Variants in NADK observed in about 807,000 individuals in gnomAD.
NADK encodes the protein poly(P)/ATP NAD kinase.
NADK carries 22 observed loss-of-function variants against 49.8 expected under a neutral mutation model. The ratio of observed to expected loss-of-function variants is 0.44; its 90% confidence interval spans 0.32 to 0.63. The LOEUF is 0.63. Among genes scored for constraint, NADK ranks in the 30% least tolerant of loss-of-function variants. The probability of loss-of-function intolerance (pLI) is 0.06; values close to 1 mark genes in which losing one functional copy is unlikely to be tolerated. For synonymous variants in NADK, 268 were observed against 253.7 expected, an observed-to-expected ratio of 1.06 and a Z score of -0.54; for missense variants, 438 against 609.4, an observed-to-expected ratio of 0.72 and a Z score of 2.96.
chr1:1,772,384 G>A (rs1234728431), intron 1 of NADK, among the ~76,000 whole-genome samples: 2 of 151,904 alleles, frequency 1.3e-5, no homozygotes, highest in African/African-American at 2.4e-5. Flanking sequence ...GGCTGACCTC[G>A]AACTCCTGGG....
intron 2 of NADK, among the ~76,000 whole-genome samples, chr1:1,762,264 T>C (rs930027097): frequency 1.3e-5 from 2 of 152,210 alleles, no homozygotes; most frequent in African/African-American, 2.4e-5. Flanking sequence ...GCTCAGATCA[T>C]GACCCAAGCC....
intron 3 of NADK, chr1:1,758,232 C>T (rs1299350387): frequency 7.5e-6 from 8 of 1,068,958 alleles, no homozygotes; most frequent in Non-Finnish European, 9.2e-6. Context: ...TGCCTCTTCC[C>T]AGCAGTGACT....
chr1:1,777,133 T>TG (rs1339670915), intron 1 of NADK, among the ~76,000 whole-genome samples: 1 of 152,182 alleles, frequency 6.6e-6, no homozygotes, highest in African/African-American at 2.4e-5. Context: ...CTCCAAATGA[T>TG]GAAGCTATTT....
intron 1 of NADK, among the ~76,000 whole-genome samples, chr1:1,769,703 G>T (rs1570570677): frequency 6.6e-6 from 1 of 151,778 alleles, no homozygotes; most frequent in East Asian, 1.9e-4. Flanking sequence ...ACTCTAACCT[G>T]GGCGACAGAG....
chr1:1,754,804 A>T lies in NADK; in HGVS notation c.689-106T>A, dbSNP rs1645458121. 2 of 1,042,162 alleles carry T rather than the reference A, an allele frequency of 1.9e-6. No homozygotes were observed. The highest frequency in any genetic ancestry group is 1.4e-6 in the Non-Finnish European group (1 of 716,782). The allele number at this position is 1,042,162 out of a possible 1,614,324, so 64.6% of individuals were successfully genotyped here. A position where few individuals can be genotyped will look rare whatever the true frequency, so the allele number is the denominator to read the frequency against. ...AGTCAGAGGGCTCTTTCTTCTCCCAAGTTGACACACTTCTGTGCCTTTTTC... is the reference window on the plus strand; with the variant it reads ...AGTCAGAGGGCTCTTTCTTCTCCCATGTTGACACACTTCTGTGCCTTTTTC... On this transcript the variant is annotated intron_variant, in intron 7 of 11. Coordinates refer to ENST00000341426, the MANE Select transcript of NADK (RefSeq NM_023018.5). This position sits in a 1 kb window ranked among gnomAD's most constrained non-coding sequence, Gnocchi z 4.3.
chr1:1,753,365 C>T (rs1354831432), intron 11 of NADK, among the ~76,000 whole-genome samples: 1 of 152,144 alleles, frequency 6.6e-6, no homozygotes, highest in Non-Finnish European at 1.5e-5. Flanking sequence ...TCTGCTGGGG[C>T]CAGGCCTGCA....
intron 1 of NADK, among the ~76,000 whole-genome samples, chr1:1,769,480 G>A (rs1645982528): frequency 6.6e-6 from 1 of 152,164 alleles, no homozygotes; most frequent in African/African-American, 2.4e-5. Flanking sequence ...GAACCCAGGA[G>A]GCGGTGCTTG....
At chr1:1,755,622 G>A (rs956803499) in intron 6 of NADK, 146 bp from the exon 7 acceptor site, 122 of 673,550 alleles carry the variant, frequency 1.8e-4, no homozygotes, top group Non-Finnish European at 3.1e-4. Flanking sequence ...TGGACAAGCG[G>A]AGGGGGACGT....
At chr1:1,780,232 G>GT (rs1646328496), upstream of NADK, 1 of 152,248 alleles carries the variant, frequency 6.6e-6, no homozygotes, top group East Asian at 1.9e-4. Context: ...CGTGAGCTGA[G>GT]TTTTTGCATA....
chr1:1,754,141 G>A lies in NADK; in HGVS notation c.1011C>T (p.His337=). 1.2e-6 allele frequency: 2 copies of A among 1,612,124 alleles called. No individual in the cohort carries two copies. The highest frequency in any genetic ancestry group is 1.7e-6 in the Non-Finnish European group (2 of 1,179,518). ...YAAAAGASMI[H]PNVPAIMITP... is the part of the protein sequence containing the mutation. Reference sequence around the variant, plus strand: ...TGATCATGATGGCCGGCACGTTGGGGTGGATCATGGAGGCCCCGGCCGCGG... The same window carrying A: ...TGATCATGATGGCCGGCACGTTGGGATGGATCATGGAGGCCCCGGCCGCGG... The change falls in exon 10 of 12, where the codon CAC becomes CAT. Residue 337 remains histidine, a synonymous_variant. Transcript: ENST00000341426. This position sits in a 1 kb window ranked among gnomAD's most constrained non-coding sequence, Gnocchi z 4.3.
chr1:1,764,635 C>T (rs886545379), intron 2 of NADK, among the ~76,000 whole-genome samples: 17 of 152,208 alleles, frequency 1.1e-4, no homozygotes, highest in African/African-American at 3.9e-4. Context: ...GGCACAGTGG[C>T]TTGCACCGGT....
At chr1:1,759,995 C>T (rs1200917772) in intron 3 of NADK, 2 of 1,384,234 alleles carry the variant, frequency 1.4e-6, no homozygotes, top group Non-Finnish European at 2.0e-6. Flanking sequence ...GATGGCGGGA[C>T]AGAGCCACGG....
chr1:1,767,208 C>T (rs1266596513), intron 1 of NADK, among the ~76,000 whole-genome samples: 7 of 152,160 alleles, frequency 4.6e-5, no homozygotes, highest in African/African-American at 7.2e-5. Flanking sequence ...TAAGCCACCA[C>T]GCCCAGCCTA....
At chr1:1,769,795 G>A (rs1160806052) in intron 1 of NADK, among the ~76,000 whole-genome samples, 1 of 151,588 alleles carries the variant, frequency 6.6e-6, no homozygotes, top group East Asian at 1.9e-4. Context: ...TGAAAAATTC[G>A]GCCAGACACG....
intron 1 of NADK, among the ~76,000 whole-genome samples, chr1:1,775,346 A>G (rs2100389801): frequency 6.6e-6 from 1 of 152,328 alleles, no homozygotes. Context: ...TAAATGAAAA[A>G]GGAAAATTTA....
At chr1:1,758,881 A>G (rs1024599109) in intron 3 of NADK, among the ~76,000 whole-genome samples, 5 of 152,042 alleles carry the variant, frequency 3.3e-5, no homozygotes, top group African/African-American at 9.7e-5. Flanking sequence ...TGCGCCAGCC[A>G]CCGCTCTGGC....
intron 3 of NADK, among the ~76,000 whole-genome samples, chr1:1,760,301 T>C (rs1213722474): frequency 6.6e-6 from 1 of 152,118 alleles, no homozygotes; most frequent in Non-Finnish European, 1.5e-5. Flanking sequence ...AAAGCACAAG[T>C]GCGAGTCACT....
At position 1,778,106 on chromosome 1, in the gene NADK, G is replaced by A. The variant is rs1646264854; in HGVS notation, c.-41+183C>T. On this transcript the variant is annotated intron_variant, in intron 1 of 11. Transcript: ENST00000341426. The surrounding 1 kb of genome is among the most constrained non-coding windows in gnomAD (Gnocchi z 4.9). Reference sequence around the variant, plus strand: ...GTCCCCAAGGCCGAGCCTCGCCCTGGGCCGTGCTGGTGCCCCATTCGGGAC... The same window carrying A: ...GTCCCCAAGGCCGAGCCTCGCCCTGAGCCGTGCTGGTGCCCCATTCGGGAC... Among the ~76,000 whole-genome samples, 1 of 152,196 alleles carries A rather than the reference G, an allele frequency of 6.6e-6. No individual in the cohort carries two copies. The highest frequency in any genetic ancestry group is 1.5e-5 in the Non-Finnish European group (1 of 68,018).
chr1:1,753,450 G>A (rs1363598100), intron 11 of NADK, 117 bp downstream of exon 11: 3 of 785,110 alleles, frequency 3.8e-6, no homozygotes, highest in Non-Finnish European at 6.2e-6. Flanking sequence ...AGGGACTCAG[G>A]CCCTGTGGTG....
Sources: allele counts gnomAD v4.1 joint callset (sites outside exome capture counted in the v4.1 genomes callset), GRCh38; gene constraint gnomAD v4.1.1; non-coding constraint Gnocchi (gnomAD v3.1); transcripts MANE v1.5; gene names NCBI Gene and HGNC (gene_info 2026-07-23, HGNC 2026-07-21).